The following ACOXL variants were observed in gnomAD, a reference collection of about 807,000 sequenced individuals.
ACOXL encodes the protein acyl-CoA oxidase like.
A neutral mutation model predicts 71.9 loss-of-function variants in ACOXL; 70 were observed. That is an observed-to-expected ratio of 0.97 (90% CI 0.80 to 1.19). The LOEUF is 1.19. ACOXL is among the 50% of genes most tolerant of loss of function. ACOXL has a pLI of 0.00. For missense variants in ACOXL, 703 were observed against 736.3 expected, an observed-to-expected ratio of 0.95 and a Z score of 0.52; for synonymous variants, 253 against 281.6, an observed-to-expected ratio of 0.90 and a Z score of 1.02.
chr2:110,800,276 G>A (rs933557731), intron 7 of ACOXL, among the ~76,000 whole-genome samples: 1 of 152,190 alleles, frequency 6.6e-6, no homozygotes, highest in Non-Finnish European at 1.5e-5. Context: ...GACACAGTGA[G>A]GGAAGGATTT....
intron 15 of ACOXL, among the ~76,000 whole-genome samples, chr2:111,043,986 C>T (rs763613450): frequency 2.6e-5 from 4 of 152,206 alleles, no homozygotes; most frequent in Non-Finnish European, 5.9e-5. Flanking sequence ...GCCTGCCCCT[C>T]CTATGTGGGG....
At chr2:110,741,730 A>G (rs1457477013) in intron 1 of ACOXL, among the ~76,000 whole-genome samples, 1 of 152,194 alleles carries the variant, frequency 6.6e-6, no homozygotes, top group Non-Finnish European at 1.5e-5. Context: ...ATGAAGAGGT[A>G]GGAAGTCAAA....
At chr2:110,887,852 GTTTC>G (rs1697485358) in intron 10 of ACOXL, 1 of 152,158 alleles carries the variant, frequency 6.6e-6, no homozygotes, top group East Asian at 1.9e-4. Flanking sequence ...AGGTTTTGCT[GTTTC>G]TTTCTTTATT....
At chr2:110,841,448 C>T (rs769157458) in intron 10 of ACOXL, 43 bp downstream of exon 10, 5 of 1,519,512 alleles carry the variant, frequency 3.3e-6, no homozygotes, top group Non-Finnish European at 4.5e-6. Flanking sequence ...TTATCCTTAC[C>T]AGTTTATAGC....
intron 16 of ACOXL, among the ~76,000 whole-genome samples, chr2:111,086,933 G>A (rs1174397254): frequency 3.9e-5 from 6 of 152,122 alleles, no homozygotes; most frequent in Non-Finnish European, 7.4e-5. Context: ...AGATCCTTGA[G>A]CTAATAAACA....
intron 9 of ACOXL, among the ~76,000 whole-genome samples, chr2:110,806,977 G>A (rs1394120532): frequency 6.6e-6 from 1 of 151,958 alleles, no homozygotes; most frequent in African/African-American, 2.4e-5. Context: ...GGTGGGGGTG[G>A]TGTCCCAGGG....
At chr2:110,839,989 TTTG>T (rs779357520) in intron 9 of ACOXL, among the ~76,000 whole-genome samples, 1 of 151,852 alleles carries the variant, frequency 6.6e-6, no homozygotes, top group African/African-American at 2.4e-5. Context: ...GTTGTTGTTG[TTTG>T]TTGTTGTTGT....
intron 1 of ACOXL, among the ~76,000 whole-genome samples, chr2:110,748,555 A>G (rs1368007777): frequency 1.3e-5 from 2 of 152,138 alleles, no homozygotes; most frequent in African/African-American, 4.8e-5. Flanking sequence ...CTGTCTTCGC[A>G]TTTTCTCAGT....
chr2:110,959,268 C>T (rs986942195), intron 12 of ACOXL, among the ~76,000 whole-genome samples: 12 of 152,144 alleles, frequency 7.9e-5, no homozygotes, highest in South Asian at 2.1e-4. Flanking sequence ...GAACCCCAGG[C>T]GGGAGGCTGT....
intron 10 of ACOXL, among the ~76,000 whole-genome samples, chr2:110,891,380 C>G (rs1450915442): frequency 6.6e-6 from 1 of 151,456 alleles, no homozygotes; most frequent in East Asian, 1.9e-4. Flanking sequence ...ATCTTTTTTT[C>G]CATCATTTTA....
At chr2:110,968,572 T>A (rs2062036072) in intron 12 of ACOXL, 1 of 971,654 alleles carries the variant, frequency 1.0e-6, no homozygotes, top group African/African-American at 1.6e-5. Flanking sequence ...TCATGCTGCT[T>A]ATACATCAAG....
At chr2:110,963,591 G>A (rs1337358728) in intron 12 of ACOXL, 9 of 1,539,336 alleles carry the variant, frequency 5.8e-6, no homozygotes, top group Non-Finnish European at 7.9e-6. Flanking sequence ...GTGTGTGTGT[G>A]TGTGTGTGTG....
chr2:110,981,241 C>T (rs1464220818), intron 12 of ACOXL, among the ~76,000 whole-genome samples: 1 of 152,144 alleles, frequency 6.6e-6, no homozygotes, highest in African/African-American at 2.4e-5. Context: ...GCCTGTAATC[C>T]CAGCTACTCA....
intron 2 of ACOXL, among the ~76,000 whole-genome samples, chr2:110,778,863 T>A (rs1296077080): frequency 2.4e-4 from 36 of 152,204 alleles, no homozygotes; most frequent in Admixed American, 2.4e-3. Context: ...TAAGCAACCA[T>A]TAATTTCCAT....
chr2:111,021,088 G>A (rs1473369956), intron 14 of ACOXL, among the ~76,000 whole-genome samples: 1 of 152,202 alleles, frequency 6.6e-6, no homozygotes, highest in Non-Finnish European at 1.5e-5. Context: ...GCTCCACCTT[G>A]CAGAACTGTC....
chr2:110,883,900 C>T (rs1394400657), intron 10 of ACOXL, among the ~76,000 whole-genome samples: 1 of 152,088 alleles, frequency 6.6e-6, no homozygotes, highest in African/African-American at 2.4e-5. Flanking sequence ...ATCATAGACA[C>T]ATATAGTACA....
In ACOXL at chr2:110,816,710, G is replaced by T. The variant is rs188983093; in HGVS notation, c.753+11315G>T. 1.0e-3 allele frequency among the ~76,000 whole-genome samples: 154 copies of T among 152,322 alleles called. 1 individual carries two copies. The highest frequency in any genetic ancestry group is 3.5e-3 in the African/African-American group (147 of 41,566). The stretch of plus-strand genomic sequence containing the variant: ...TCTCCTGTTCTCTAAAGACAGCTGT[G>T]TAATAGGATTAAAGCTTCAGAGAGC... On this transcript the variant is annotated intron_variant, in intron 9 of 17. Coordinates refer to ENST00000439055, the MANE Select transcript of ACOXL (RefSeq NM_001142807.4).
chr2:110,815,526 A>G (rs1243788935), intron 9 of ACOXL, among the ~76,000 whole-genome samples: 1 of 152,230 alleles, frequency 6.6e-6, no homozygotes, highest in Non-Finnish European at 1.5e-5. Flanking sequence ...GGACCTTAGA[A>G]GGAGGGGATG....
intron 3 of ACOXL, among the ~76,000 whole-genome samples, chr2:110,788,163 G>C (rs1684217142): frequency 6.6e-6 from 1 of 152,132 alleles, no homozygotes; most frequent in African/African-American, 2.4e-5. Flanking sequence ...TTGAAAGTAG[G>C]GACTGAAATA....
Sources: allele counts gnomAD v4.1 joint callset (sites outside exome capture counted in the v4.1 genomes callset), GRCh38; gene constraint gnomAD v4.1.1; transcripts MANE v1.5; gene names NCBI Gene and HGNC (gene_info 2026-07-23, HGNC 2026-07-21).